Variants in GMDS observed in about 807,000 individuals in gnomAD.
The protein encoded by GMDS is GDP-mannose 4,6-dehydratase, also known as GDP-mannose 4,6 dehydratase.
Under a neutral mutation model 49.9 loss-of-function variants are expected in GMDS, and 20 were observed. The observed-to-expected ratio is 0.40, with a 90% confidence interval of 0.28 to 0.58. The LOEUF (loss-of-function observed/expected upper bound fraction) is 0.58. Ranked by LOEUF, GMDS falls within the 20% of genes least tolerant of loss-of-function variation. The pLI, the probability that GMDS is intolerant of heterozygous loss-of-function variation, is 0.42. For synonymous variants in GMDS, 177 were observed against 178.6 expected (o/e 0.99, Z 0.07); for missense variants, 362 against 481.4 (o/e 0.75, Z 2.32).
At chr6:1,701,412 AC>A (rs1209858987) in intron 9 of GMDS, among the ~76,000 whole-genome samples, 2 of 151,968 alleles carry the variant, frequency 1.3e-5, no homozygotes, top group African/African-American at 2.4e-5. Flanking sequence ...GTGTCTTTCC[AC>A]CCTTGTTAAA....
At chr6:2,221,466 CGCCTCCCG>C (rs1198186050) in intron 1 of GMDS, among the ~76,000 whole-genome samples, 13 of 152,220 alleles carry the variant, frequency 8.5e-5, no homozygotes, top group Admixed American at 3.3e-4. Context: ...CTGCAAGCTC[CGCCTCCCG>C]GCCTCCCGGG....
At chr6:1,652,366 C>A (rs1763679189) in intron 9 of GMDS, among the ~76,000 whole-genome samples, 1 of 7,046 alleles carries the variant, frequency 1.4e-4, no homozygotes, top group African/African-American at 2.7e-4. Flanking sequence ...GAGTGAAACT[C>A]CGCTAAAAAA....
intron 9 of GMDS, among the ~76,000 whole-genome samples, chr6:1,675,999 A>G (rs1764611258): frequency 6.6e-6 from 1 of 152,228 alleles, no homozygotes; most frequent in African/African-American, 2.4e-5. Flanking sequence ...ACACCCTCTC[A>G]AGACTAAACC....
chr6:1,639,446 C>A (rs1763262037), intron 9 of GMDS, among the ~76,000 whole-genome samples: 1 of 152,232 alleles, frequency 6.6e-6, no homozygotes, highest in Non-Finnish European at 1.5e-5. Context: ...ATGCAGACAG[C>A]TGTTCAAGGA....
chr6:1,748,513 G>GT (rs1225541982), intron 7 of GMDS, among the ~76,000 whole-genome samples: 1 of 152,038 alleles, frequency 6.6e-6, no homozygotes, highest in Non-Finnish European at 1.5e-5. Flanking sequence ...TTCTGTAAGG[G>GT]TTTTTTTCTC....
intron 1 of GMDS, among the ~76,000 whole-genome samples, chr6:2,202,433 CTA>C (rs759820788): frequency 0.52 from 77,135 of 147,628 alleles, 21,154 homozygotes; most frequent in East Asian, 0.7. Context: ...CAATTTCTTT[CTA>C]TTTTTTTTTT....
intron 8 of GMDS, among the ~76,000 whole-genome samples, chr6:1,738,696 AAT>A (rs1330518517): frequency 6.9e-6 from 1 of 145,274 alleles, no homozygotes; most frequent in Non-Finnish European, 1.6e-5. Context: ...TAGCTTAATT[AAT>A]GGCAATGCTA....
At chr6:2,070,662 A>T (rs114034495) in intron 4 of GMDS, among the ~76,000 whole-genome samples, 677 of 152,050 alleles carry the variant, frequency 4.5e-3, no homozygotes, top group Middle Eastern at 0.01. Context: ...GGCTCTAAAT[A>T]CTCCTGATCC....
At chr6:1,943,672 C>A (rs1263732387) in intron 6 of GMDS, among the ~76,000 whole-genome samples, 2 of 152,176 alleles carry the variant, frequency 1.3e-5, no homozygotes, top group African/African-American at 4.8e-5. Flanking sequence ...CAAGGACTTG[C>A]ATACTAATAA....
chr6:1,915,539 A>T (rs534826998), intron 7 of GMDS, among the ~76,000 whole-genome samples: 1 of 152,348 alleles, frequency 6.6e-6, no homozygotes, highest in African/African-American at 2.4e-5. Flanking sequence ...TGCTCCAGAC[A>T]GCGGCCTTTA....
chr6:1,934,755 T>A (rs1030689278), intron 6 of GMDS, among the ~76,000 whole-genome samples: 20 of 152,304 alleles, frequency 1.3e-4, no homozygotes, highest in African/African-American at 4.1e-4. Context: ...ATTTTTTTTT[T>A]AAATTTGCTC....
chr6:2,202,917 A>G (rs905015475), intron 1 of GMDS, among the ~76,000 whole-genome samples: 1 of 152,186 alleles, frequency 6.6e-6, no homozygotes, highest in African/African-American at 2.4e-5. Context: ...CAGGGTCTGC[A>G]GAAAGTCACC....
At chr6:2,036,796 C>T (rs1407828203) in intron 4 of GMDS, among the ~76,000 whole-genome samples, 1 of 152,142 alleles carries the variant, frequency 6.6e-6, no homozygotes, top group South Asian at 2.1e-4. Context: ...GACTTCAGAG[C>T]CTATGGCATG....
chr6:2,090,742 C>T (rs770235580), intron 4 of GMDS, among the ~76,000 whole-genome samples: 82 of 152,084 alleles, frequency 5.4e-4, no homozygotes, highest in Admixed American at 1.6e-3. Flanking sequence ...ATAATTTGAA[C>T]GACTCTTCTG....
In GMDS at chr6:1,938,910, C is replaced by T. The variant is rs182683255; in HGVS notation, c.644-8680G>A. Among the ~76,000 whole-genome samples the T allele has an allele frequency of 3.3e-5, 5 of 151,348 alleles. No homozygotes were observed. In the East Asian group the frequency reaches 7.8e-4, roughly 24 times the overall value. ...TGTCCTTCAGCAATCTAATCTAAGT[C>T]GGCCATTTAACCCTTCCTTCTTCCC... On this transcript the variant is annotated intron_variant, in intron 6 of 10. Transcript: ENST00000380815.
At position 1,894,335 on chromosome 6, in the gene GMDS, C is replaced by T. The variant is rs550152417; in HGVS notation, c.771+35768G>A. ...CAAGCAAAAAGTCCTTTATACTAGA[C>T]GTATATTTCATATTTTGTGTTATAG... On this transcript the variant is annotated intron_variant, in intron 7 of 10. Transcript: ENST00000380815. Among the ~76,000 whole-genome samples the T allele has an allele frequency of 2.4e-4, 37 of 152,114 alleles. No homozygotes were observed. In the South Asian group the frequency reaches 5.6e-3, roughly 23 times the overall value.
chr6:1,974,175 A>T (rs1764769284), intron 4 of GMDS, among the ~76,000 whole-genome samples: 2 of 152,084 alleles, frequency 1.3e-5, no homozygotes, highest in Non-Finnish European at 2.9e-5. Context: ...AAGCTGTGAG[A>T]GAAATGTAAA....
intron 7 of GMDS, among the ~76,000 whole-genome samples, chr6:1,781,694 T>A (rs1165734833): frequency 6.6e-6 from 1 of 152,232 alleles, no homozygotes; most frequent in Non-Finnish European, 1.5e-5. Flanking sequence ...GTGAATATCC[T>A]CTGAAATGAA....
chr6:1,963,749 A>C (rs1443361415), intron 4 of GMDS, among the ~76,000 whole-genome samples: 1 of 152,204 alleles, frequency 6.6e-6, no homozygotes, highest in East Asian at 1.9e-4. Context: ...AGCGGGTGTC[A>C]GGGCTCTGGG....
Sources: gnomAD v4.1 joint callset for allele counts (sites outside exome capture counted in the v4.1 genomes callset) on GRCh38, gnomAD v4.1.1 for gene constraint, MANE v1.5 for transcripts, NCBI Gene and HGNC (gene_info 2026-07-23, HGNC 2026-07-21) for gene names.